PCDHGA7: variants seen among roughly 807,000 people sequenced by gnomAD.
PCDHGA7 encodes the protein protocadherin gamma subfamily A, 7, also known as protocadherin gamma-A7.
PCDHGA7 carries 44 observed loss-of-function variants against 58.3 expected under a neutral mutation model. The ratio of observed to expected loss-of-function variants is 0.75; its 90% CI spans 0.59 to 0.97. The LOEUF (loss-of-function observed/expected upper bound fraction) is 0.97. PCDHGA7 is among the 50% of genes least tolerant of loss of function. PCDHGA7 has a pLI of 0.00. For missense variants in PCDHGA7, 1,266 were observed against 1,188.7 expected, an observed-to-expected ratio of 1.06 and a Z score of -0.96; for synonymous variants, 516 against 504.2, an observed-to-expected ratio of 1.02 and a Z score of -0.31.
In PCDHGA7 at chr5:141,432,927, G is replaced by T. The variant is rs774982939; in HGVS notation, c.2424+47604G>T. ...AGGCTGCGGCGCTGGCACAAGTCAC[G>T]CCTGCTGCAGGCTTCAGGAGGCGGC... is the stretch of plus-strand genomic sequence containing the variant. On this transcript the variant is annotated intron_variant, in intron 1 of 3. Coordinates refer to ENST00000518325, the MANE Select transcript of PCDHGA7 (RefSeq NM_018920.4). This position sits in a 1 kb window ranked among gnomAD's most constrained non-coding sequence, Gnocchi z 6.0. 1.9e-6 allele frequency: 3 copies of T among 1,614,162 alleles called. No homozygotes were observed. In the Admixed American group the frequency reaches 5.0e-5, roughly 27 times the overall value.
Position 141,383,267 on chromosome 5 carries a change from T to G in PCDHGA7, c.368T>G (p.Ile123Arg), listed in dbSNP as rs1428207205. Reference protein sequence around the residue: ...KMNLYPIDVEIIDINDNVPRF... With the variant: ...KMNLYPIDVERIDINDNVPRF... ...AATCTTTACCCTATAGACGTGGAAA[T>G]AATAGATATTAATGACAACGTTCCA... The change falls in exon 1 of 4, where the codon ATA becomes AGA. Residue 123 changes from isoleucine (I) to arginine (R), a missense_variant. Coordinates refer to ENST00000518325, the MANE Select transcript of PCDHGA7 (RefSeq NM_018920.4). 6.2e-7 allele frequency: 1 copy of G among 1,613,726 alleles called. No individual in the cohort carries two copies. Among genetic ancestry groups the G allele is most frequent in the East Asian group, 2.2e-5 (1 of 44,894 alleles).
chr5:141,451,358 T>C (rs537863729), intron 1 of PCDHGA7, among the ~76,000 whole-genome samples: 1 of 152,326 alleles, frequency 6.6e-6, no homozygotes, highest in African/African-American at 2.4e-5. Flanking sequence ...CAACAGAGGA[T>C]GGATCCGCTT....
chr5:141,416,109 A>C (rs1365438751), intron 1 of PCDHGA7: 5 of 157,286 alleles, frequency 3.2e-5, no homozygotes, highest in African/African-American at 1.2e-4. Context: ...GCCTTTTTCA[A>C]ACTACATTTT....
At position 141,490,460 on chromosome 5, in the gene PCDHGA7, TA is replaced by T. The variant is rs1393913480; in HGVS notation, c.2425-4345del. 1.2e-6 allele frequency: 2 copies of T among 1,614,094 alleles called. No individual in the cohort carries two copies. The highest frequency in any genetic ancestry group is 1.7e-6 in the Non-Finnish European group (2 of 1,180,048). On this transcript the variant is annotated intron_variant, in intron 1 of 3. Coordinates refer to ENST00000518325, the MANE Select transcript of PCDHGA7 (RefSeq NM_018920.4). The surrounding 1 kb of genome is among the most constrained non-coding windows in gnomAD (Gnocchi z 5.4). ...CCTTCTGAGAACCACTACTCGCTGC[TA>T]ACCAGCCAGCCTTTGGACCGGGAGG... is the stretch of plus-strand genomic sequence containing the variant.
intron 1 of PCDHGA7, chr5:141,422,827 A>T: frequency 6.2e-7 from 1 of 1,614,208 alleles, no homozygotes; most frequent in Non-Finnish European, 8.5e-7. Context: ...ACTGAGAGTG[A>T]TAGCACGTGA....
rs2099402935 is a variant in PCDHGA7, at chr5:141,476,991, G to A, written c.2425-17816G>A. On this transcript the variant is annotated intron_variant, in intron 1 of 3. Transcript: ENST00000518325. The surrounding 1 kb of genome is among the most constrained non-coding windows in gnomAD (Gnocchi z 7.6). ...GGCAGCCACAACCGCGCCGGCGTGC[G>A]GCAACTATTCGCCTTAGACCTTGTA... 4 of 1,614,094 alleles carry A rather than the reference G, an allele frequency of 2.5e-6. No homozygotes were observed. Among genetic ancestry groups the A allele is most frequent in the Non-Finnish European group, 3.4e-6 (4 of 1,180,056 alleles).
chr5:141,481,207 C>T (rs1287298617), intron 1 of PCDHGA7, among the ~76,000 whole-genome samples: 3 of 152,154 alleles, frequency 2.0e-5, no homozygotes, highest in Non-Finnish European at 1.5e-5. Flanking sequence ...TTTTAAAAAA[C>T]ATGGTAAGGT....
chr5:141,419,151 C>G, intron 1 of PCDHGA7: 3 of 1,613,918 alleles, frequency 1.9e-6, no homozygotes, highest in Non-Finnish European at 1.7e-6. Flanking sequence ...GGCAAGCCTC[C>G]GTTATCCTCC....
chr5:141,426,848 C>A (rs1379697529), intron 1 of PCDHGA7: 1 of 456,670 alleles, frequency 2.2e-6, no homozygotes, highest in Non-Finnish European at 4.4e-6. Context: ...AAGGCAAGAA[C>A]GCTCCAGAAT....
chr5:141,446,138 T>C (rs1254949926), intron 1 of PCDHGA7, among the ~76,000 whole-genome samples: 1 of 152,208 alleles, frequency 6.6e-6, no homozygotes, highest in African/African-American at 2.4e-5. Context: ...GACTTAATAA[T>C]GGAATAGGTG....
intron 1 of PCDHGA7, chr5:141,430,592 C>A (rs2097296542): frequency 1.8e-6 from 1 of 544,568 alleles, no homozygotes; most frequent in Non-Finnish European, 2.9e-6. Flanking sequence ...TCGCCTTGCA[C>A]GCGCCTGAAG....
chr5:141,400,538 A>C (rs994052728), intron 1 of PCDHGA7: 5 of 1,613,662 alleles, frequency 3.1e-6, no homozygotes, highest in Non-Finnish European at 4.2e-6. Context: ...AGTTTCATTT[A>C]TGTCTATTCT....
chr5:141,415,843 G>T (rs1022622333), intron 1 of PCDHGA7: 36 of 1,251,418 alleles, frequency 2.9e-5, no homozygotes, highest in Non-Finnish European at 3.6e-5. Flanking sequence ...GATTAGCTTT[G>T]CAGAACCTTG....
chr5:141,402,897 C>T (rs1177256058), intron 1 of PCDHGA7: 6 of 1,508,528 alleles, frequency 4.0e-6, no homozygotes, highest in Admixed American at 4.7e-5. Flanking sequence ...AAGAAAGAAC[C>T]TGATGAAGCA....
chr5:141,473,887 C>T (rs887871337), intron 1 of PCDHGA7, among the ~76,000 whole-genome samples: 3 of 152,144 alleles, frequency 2.0e-5, no homozygotes, highest in Non-Finnish European at 2.9e-5. Context: ...CACAAGGGTT[C>T]TGTTGGTTCA....
At position 141,485,342 on chromosome 5, in the gene PCDHGA7, G is replaced by A; in HGVS notation, c.2425-9465G>A. On this transcript the variant is annotated intron_variant, in intron 1 of 3. Coordinates refer to ENST00000518325, the MANE Select transcript of PCDHGA7 (RefSeq NM_018920.4). The surrounding 1 kb of genome is among the most constrained non-coding windows in gnomAD (Gnocchi z 5.7). ...CGCTCAAGATTTCCTGCTGGATACG[G>A]ACAGTCTGTCAGCTCGCAGGCTGCA... 1 of 1,614,164 alleles carries A rather than the reference G, an allele frequency of 6.2e-7. No homozygotes were observed. The highest frequency in any genetic ancestry group is 8.5e-7 in the Non-Finnish European group (1 of 1,180,026).
Position 141,431,605 on chromosome 5 carries a change from G to A in PCDHGA7, c.2424+46282G>A. ...ATGCGGAAGTGAGGTATTCCTTCCGGTATGTGGACGACAAGGCGGCCCAAG... is the reference window on the plus strand; with the variant it reads ...ATGCGGAAGTGAGGTATTCCTTCCGATATGTGGACGACAAGGCGGCCCAAG... On this transcript the variant is annotated intron_variant, in intron 1 of 3. Transcript: ENST00000518325. This position sits in a 1 kb window ranked among gnomAD's most constrained non-coding sequence, Gnocchi z 4.8. 2 of 1,614,236 alleles carry A rather than the reference G, an allele frequency of 1.2e-6. No individual in the cohort carries two copies. The highest frequency in any genetic ancestry group is 1.7e-6 in the Non-Finnish European group (2 of 1,180,044).
Position 141,486,912 on chromosome 5 carries a change from T to C in PCDHGA7, c.2425-7895T>C. The stretch of plus-strand genomic sequence containing the variant: ...CCTGGTTCCTTATGTCCCCAAGCAC[T>C]GCCTCCATCAGTTGGTGCTGGCCAC... On this transcript the variant is annotated intron_variant, in intron 1 of 3. Coordinates refer to ENST00000518325, the MANE Select transcript of PCDHGA7 (RefSeq NM_018920.4). This position sits in a 1 kb window ranked among gnomAD's most constrained non-coding sequence, Gnocchi z 5.0. The C allele has an allele frequency of 1.2e-6, 2 of 1,614,246 alleles. No homozygotes were observed. Among genetic ancestry groups the C allele is most frequent in the Non-Finnish European group, 1.7e-6 (2 of 1,180,040 alleles).
intron 1 of PCDHGA7, chr5:141,441,978 A>T (rs769977785): frequency 9.1e-5 from 26 of 285,248 alleles, no homozygotes; most frequent in Non-Finnish European, 1.8e-4. Flanking sequence ...TCAGCCTGGA[A>T]TGCGCACCGA....
Sources: allele counts gnomAD v4.1 joint callset (sites outside exome capture counted in the v4.1 genomes callset), GRCh38; gene constraint gnomAD v4.1.1; non-coding constraint Gnocchi (gnomAD v3.1); transcripts MANE v1.5; gene names NCBI Gene and HGNC (gene_info 2026-07-23, HGNC 2026-07-21).